The following NEFH variants were observed in gnomAD, a reference collection of about 807,000 sequenced individuals.
NEFH encodes the protein neurofilament heavy chain, also known as neurofilament heavy polypeptide.
In NEFH, 58 loss-of-function variants were observed where a neutral mutation model predicts 56.6. That is an observed-to-expected ratio of 1.03 (90% CI 0.83 to 1.28). NEFH has a LOEUF of 1.28. Among genes scored for constraint, NEFH ranks in the 50% most tolerant of loss-of-function variants. NEFH has a pLI of 0.00. For synonymous variants in NEFH, 542 were observed against 545.8 expected (o/e 0.99, Z 0.10); for missense variants, 1,221 against 1,307.6 (o/e 0.93, Z 1.02).
At chr22:29,486,875 A>G (rs913923260) in intron 3 of NEFH, among the ~76,000 whole-genome samples, 11 of 152,218 alleles carry the variant, frequency 7.2e-5, no homozygotes, top group South Asian at 2.1e-4. Flanking sequence ...AGACGGTGGA[A>G]GTTCCTTATC....
Position 29,490,069 on chromosome 22 carries a change from C to T in NEFH, c.2429C>T (p.Pro810Leu), listed in dbSNP as rs920199926. ...CCCCTGAAGGAGGATGCCAAGGCCC[C>T]TGAGAAGGAGATCCCAAAAAAGGAA... The part of the protein sequence containing the change: ...KSPLKEDAKA[P>L]EKEIPKKEEV... Residue 810 changes from proline to leucine, a missense_variant, in exon 4 of 4, where the codon CCT becomes CTT. By Grantham distance (98) the Pro-to-Leu change is moderately conservative (BLOSUM62 -3). Coordinates refer to ENST00000310624, the MANE Select transcript of NEFH (RefSeq NM_021076.4). 6 of 1,613,432 alleles carry T rather than the reference C, an allele frequency of 3.7e-6. No individual in the cohort carries two copies. Among genetic ancestry groups the T allele is most frequent in the Non-Finnish European group, 5.1e-6 (6 of 1,179,794 alleles).
Position 29,480,989 on chromosome 22 carries a change from G to T in NEFH, c.727G>T (p.Gly243Cys). ...CCAGGAAGAGGTGGGCGAGCTGCTC[G>T]GCCAGATCCAGGGCTCCGGCGCCGC... ...HHQEEVGELLGQIQGSGAAQA... is the reference protein window; with the variant it reads ...HHQEEVGELLCQIQGSGAAQA... Residue 243 changes from glycine to cysteine, a missense_variant, in exon 1 of 4, where the codon GGC becomes TGC. Coordinates refer to ENST00000310624, the MANE Select transcript of NEFH (RefSeq NM_021076.4). The T allele has an allele frequency of 6.5e-7, 1 of 1,532,066 alleles. No homozygotes were observed. The highest frequency in any genetic ancestry group is 2.0e-5 in the Admixed American group (1 of 50,908). The allele number at this position is 1,532,066 out of a possible 1,614,324, so 94.9% of individuals were successfully genotyped here.
Position 29,480,423 on chromosome 22 carries a change from C to T in NEFH, c.161C>T (p.Ser54Phe). The T allele has an allele frequency of 6.5e-7, 1 of 1,532,084 alleles. No homozygotes were observed. Among genetic ancestry groups the T allele is most frequent in the Non-Finnish European group, 8.7e-7 (1 of 1,145,896 alleles). The allele number at this position is 1,532,084 out of a possible 1,614,324, so 94.9% of individuals were successfully genotyped here. Residue 54 changes from serine (S) to phenylalanine (F), a missense_variant, in exon 1 of 4, where the codon TCC (serine) becomes TTC (phenylalanine). This residue lies in a region of NEFH where 640 missense variants were observed against 555.5 expected (regional missense o/e 1.15). Coordinates refer to ENST00000310624, the MANE Select transcript of NEFH (RefSeq NM_021076.4). ...GGCTTCCACTCGTGGACACGGACGT[C>T]CGTGAGCTCCGTGTCCGCCTCGCCC... is the stretch of plus-strand genomic sequence containing the variant. Reference protein sequence around the residue: ...SSGFHSWTRTSVSSVSASPSR... With the variant: ...SSGFHSWTRTFVSSVSASPSR...
chr22:29,482,883 TG>T (rs1490857068), intron 1 of NEFH, among the ~76,000 whole-genome samples: 2 of 152,164 alleles, frequency 1.3e-5, no homozygotes, highest in African/African-American at 4.8e-5. Flanking sequence ...TGGGTGGCCT[TG>T]GGGAGTAGTC....
At position 29,481,129 on chromosome 22, in the gene NEFH, C is replaced by T. The variant is rs1042294777; in HGVS notation, c.867C>T (p.Ser289=). Residue 289 remains serine (S), a synonymous_variant, in exon 1 of 4, where the codon TCC becomes TCT. Transcript: ENST00000310624. Reference sequence around the variant, plus strand: ...ACGCGGTGCAGAGCACGCTGCAGTCCGAGGAGTGGTTCCGAGGTACGCAGG... The same window carrying T: ...ACGCGGTGCAGAGCACGCTGCAGTCTGAGGAGTGGTTCCGAGGTACGCAGG... ...EGHAVQSTLQ[S]EEWFRVRLDR... 2 of 1,529,660 alleles carry T rather than the reference C, an allele frequency of 1.3e-6. No homozygotes were observed. Among genetic ancestry groups the T allele is most frequent in the East Asian group, 2.5e-5 (1 of 40,632 alleles). The allele number at this position is 1,529,660 out of a possible 1,614,324, so 94.8% of individuals were successfully genotyped here.
At position 29,485,755 on chromosome 22, in the gene NEFH, G is replaced by A. The variant is rs867469071; in HGVS notation, c.1116G>A (p.Arg372=). The change falls in exon 3 of 4, where the codon AGG becomes AGA. Residue 372 remains arginine (R), a synonymous_variant. Coordinates refer to ENST00000310624, the MANE Select transcript of NEFH (RefSeq NM_021076.4). ...EAIQQLDAEL[R]NTKWEMAAQL... is the part of the protein sequence containing the mutation. ...TTCAGCAGCTGGACGCTGAGCTGAG[G>A]AACACCAAGTGGGAGATGGCCGCCC... is the stretch of plus-strand genomic sequence containing the variant. 1 of 1,614,214 alleles carries A rather than the reference G, an allele frequency of 6.2e-7. No homozygotes were observed. Among genetic ancestry groups the A allele is most frequent in the Non-Finnish European group, 8.5e-7 (1 of 1,180,044 alleles).
chr22:29,480,727 C>A lies in NEFH; in HGVS notation c.465C>A (p.Gly155=), dbSNP rs780610863. ...LYEREVREMR[G]AVLRLGAARG... is the part of the protein sequence containing the mutation. ...AGCGCGAGGTCCGCGAGATGCGCGG[C>A]GCGGTGCTGCGCCTGGGCGCGGCGC... Residue 155 remains glycine, a synonymous_variant, in exon 1 of 4, where the codon GGC becomes GGA. Coordinates refer to ENST00000310624, the MANE Select transcript of NEFH (RefSeq NM_021076.4). 2.6e-5 allele frequency: 39 copies of A among 1,472,446 alleles called. No individual in the cohort carries two copies. The highest frequency in any genetic ancestry group is 5.1e-5 in the Admixed American group (2 of 39,554). The allele number at this position is 1,472,446 out of a possible 1,614,324, so 91.2% of individuals were successfully genotyped here.
rs575333080 is a variant in NEFH, at chr22:29,489,545, G to A, written c.1905G>A (p.Pro635=). The change falls in exon 4 of 4, where the codon CCG becomes CCA. Residue 635 remains proline, a synonymous_variant. Transcript: ENST00000310624. The part of the protein sequence containing the change: ...EAKSPAEVKS[P]EKAKSPTKEE... The stretch of plus-strand genomic sequence containing the variant: ...AATCTCCAGCTGAGGTCAAGTCCCC[G>A]GAAAAGGCCAAGTCTCCAACGAAGG... 1.5e-5 allele frequency: 24 copies of A among 1,552,088 alleles called. No individual in the cohort carries two copies. In the South Asian group the frequency reaches 2.1e-4, roughly 14 times the overall value.
Position 29,483,572 on chromosome 22 carries a change from C to G in NEFH, c.1081C>G (p.Gln361Glu). Residue 361 changes from glutamine (Q) to glutamate (E), a missense_variant and splice_region_variant, in exon 2 of 4, where the codon CAG (glutamine) becomes GAG (glutamate). Around this residue, in one of 4 missense-constraint regions of NEFH, gnomAD observed 640 missense variants for 555.5 expected, o/e 1.15. Coordinates refer to ENST00000310624, the MANE Select transcript of NEFH (RefSeq NM_021076.4). Reference sequence around the variant, plus strand: ...TCATCAGGCCGACATTGCCTCCTACCAGGTGGGCAGGGGCAAGGCAGACAG... The same window carrying G: ...TCATCAGGCCGACATTGCCTCCTACGAGGTGGGCAGGGGCAAGGCAGACAG... Reference protein sequence around the residue: ...DRHQADIASYQEAIQQLDAEL... With the variant: ...DRHQADIASYEEAIQQLDAEL... 6.2e-7 allele frequency: 1 copy of G among 1,613,506 alleles called. No homozygotes were observed. Among genetic ancestry groups the G allele is most frequent in the Non-Finnish European group, 8.5e-7 (1 of 1,179,974 alleles).
In NEFH at chr22:29,489,853, C is replaced by T. The variant is rs1321011893; in HGVS notation, c.2213C>T (p.Ser738Phe). 4.4e-6 allele frequency: 7 copies of T among 1,584,738 alleles called. No homozygotes were observed. The East Asian group carries it at 7.0e-5, about 16-fold the overall frequency. The change falls in exon 4 of 4, where the codon TCC (serine) becomes TTC (phenylalanine). Residue 738 changes from serine (S) to phenylalanine (F), a missense_variant. This residue lies in a region of NEFH where 301 missense variants were observed against 346.6 expected (regional missense o/e 0.87). Transcript: ENST00000310624. ...GCAAAGACCCCCGAGAAGGCCAAGT[C>T]CCCAGTGAAGGAAGAAGCTAAGTCC... ...EEAKTPEKAK[S>F]PVKEEAKSPE... is the part of the protein sequence containing the mutation.
rs1435086248 is a variant in NEFH, at chr22:29,480,230, G to A, written c.-33G>A. Reference sequence around the variant, plus strand: ...CCCTGGTGCTGCCGCAGTGCCTCCCGCCCCGTCCCGGCCTCGCGCACCTGC... The same window carrying A: ...CCCTGGTGCTGCCGCAGTGCCTCCCACCCCGTCCCGGCCTCGCGCACCTGC... On this transcript the variant is annotated 5_prime_UTR_variant, in exon 1 of 4. Coordinates refer to ENST00000310624, the MANE Select transcript of NEFH (RefSeq NM_021076.4). The A allele has an allele frequency of 6.7e-7, 1 of 1,492,818 alleles. No individual in the cohort carries two copies. The highest frequency in any genetic ancestry group is 8.8e-7 in the Non-Finnish European group (1 of 1,130,512). 92.5% of individuals were successfully genotyped at this position (1,492,818 alleles called of 1,614,324 possible). A position where few individuals can be genotyped will look rare whatever the true frequency, so the allele number is the denominator to read the frequency against.
rs3815335 is a variant in NEFH, at chr22:29,485,479, G to A, written c.1084-244G>A. On this transcript the variant is annotated intron_variant, in intron 2 of 3. Transcript: ENST00000310624. ...GCCAGCCAAACCAGCAGGAACAACTGTTGACATCTGATGAATTTCATTTCA... is the reference window on the plus strand; with the variant it reads ...GCCAGCCAAACCAGCAGGAACAACTATTGACATCTGATGAATTTCATTTCA... Among the ~76,000 whole-genome samples the A allele has an allele frequency of 0.33, 49,929 of 152,096 alleles. 8,402 individuals are homozygous for A. The highest frequency in any genetic ancestry group is 0.41 in the East Asian group (2,133 of 5,170).
chr22:29,489,566 G>A lies in NEFH; in HGVS notation c.1926G>A (p.Thr642=), dbSNP rs776815503. Residue 642 remains threonine, a synonymous_variant, in exon 4 of 4, where the codon ACG becomes ACA. Transcript: ENST00000310624. ...CCCCGGAAAAGGCCAAGTCTCCAACGAAGGAGGAAGCAAAGTCCCCTGAGA... is the reference window on the plus strand; with the variant it reads ...CCCCGGAAAAGGCCAAGTCTCCAACAAAGGAGGAAGCAAAGTCCCCTGAGA... ...VKSPEKAKSP[T]KEEAKSPEKA... is the part of the protein sequence containing the mutation. The A allele has an allele frequency of 1.5e-5, 11 of 727,638 alleles. No individual in the cohort carries two copies. The highest frequency in any genetic ancestry group is 7.9e-5 in the South Asian group (4 of 50,714). 45.1% of individuals were successfully genotyped at this position (727,638 alleles called of 1,614,324 possible).
At position 29,486,196 on chromosome 22, in the gene NEFH, T is replaced by TA. The variant is rs563373356; in HGVS notation, c.1208+349_1208+350insA. On this transcript the variant is annotated intron_variant, in intron 3 of 3. Transcript: ENST00000310624. ...ACCACGCCTGGCTAATTTTTATTTT[T>TA]TTTTTTTTAGTAGAAACAGGGTTTC... 3.8e-3 allele frequency among the ~76,000 whole-genome samples: 572 copies of TA among 151,622 alleles called. 3 individuals are homozygous for TA. The highest frequency in any genetic ancestry group is 0.011 in the African/African-American group (458 of 41,184).
rs2063022663 is a variant in NEFH at position 29,483,288 on chromosome 22, A to G, written c.884-87A>G. On this transcript the variant is annotated intron_variant, in intron 1 of 3. Transcript: ENST00000310624. ...CGAGAATCCGTCTCAAAAAAAAAAA[A>G]AAAGAAAAAGAACAAAGAAAAAAAT... The G allele has an allele frequency of 3.0e-6, 4 of 1,312,548 alleles. No individual in the cohort carries two copies. In the South Asian group the frequency reaches 3.8e-5, roughly 13 times the overall value. The allele number at this position is 1,312,548 out of a possible 1,614,324, so 81.3% of individuals were successfully genotyped here.
chr22:29,480,605 G>C lies in NEFH; in HGVS notation c.343G>C (p.Val115Leu), dbSNP rs1300380912. ...NDRFAGYIDK[V>L]RQLEAHNRSL... Reference sequence around the variant, plus strand: ...CCGCTTCGCCGGGTACATCGACAAGGTGCGGCAGCTGGAGGCGCACAACCG... The same window carrying C: ...CCGCTTCGCCGGGTACATCGACAAGCTGCGGCAGCTGGAGGCGCACAACCG... The change falls in exon 1 of 4, where the codon GTG (valine) becomes CTG (leucine). Residue 115 changes from valine (V) to leucine (L), a missense_variant. Coordinates refer to ENST00000310624, the MANE Select transcript of NEFH (RefSeq NM_021076.4). The C allele has an allele frequency of 1.3e-6, 2 of 1,563,904 alleles. No individual in the cohort carries two copies. The highest frequency in any genetic ancestry group is 3.7e-5 in the Admixed American group (2 of 54,136).
intron 2 of NEFH, among the ~76,000 whole-genome samples, chr22:29,485,451 C>T (rs1340579238): frequency 6.6e-6 from 1 of 152,228 alleles, no homozygotes; most frequent in Non-Finnish European, 1.5e-5. Context: ...ATCCCATTAT[C>T]CTGCCAGCCA....
At position 29,489,961 on chromosome 22, in the gene NEFH, C is replaced by G; in HGVS notation, c.2321C>G (p.Ala774Gly). The G allele has an allele frequency of 6.2e-7, 1 of 1,613,484 alleles. No homozygotes were observed. The highest frequency in any genetic ancestry group is 8.5e-7 in the Non-Finnish European group (1 of 1,179,858). Residue 774 changes from alanine to glycine, a missense_variant, in exon 4 of 4, where the codon GCA becomes GGA. Transcript: ENST00000310624. ...PEAKTPAKEE[A>G]RSPADKFPEK... ...GCCAAGACTCCAGCGAAGGAGGAAG[C>G]AAGGTCCCCTGCAGACAAATTCCCT...
chr22:29,490,046 C>A lies in NEFH; in HGVS notation c.2406C>A (p.Pro802=), dbSNP rs2063071220. Residue 802 remains proline (P), a synonymous_variant, in exon 4 of 4, where the codon CCC becomes CCA. Coordinates refer to ENST00000310624, the MANE Select transcript of NEFH (RefSeq NM_021076.4). ...EVKSPEKAKS[P]LKEDAKAPEK... ...AGTCCCCAGAGAAGGCGAAATCTCCCCTGAAGGAGGATGCCAAGGCCCCTG... is the reference window on the plus strand; with the variant it reads ...AGTCCCCAGAGAAGGCGAAATCTCCACTGAAGGAGGATGCCAAGGCCCCTG... 6.2e-7 allele frequency: 1 copy of A among 1,612,176 alleles called. No homozygotes were observed. Among genetic ancestry groups the A allele is most frequent in the Non-Finnish European group, 8.5e-7 (1 of 1,179,438 alleles).
Sources: gnomAD v4.1 joint callset for allele counts (sites outside exome capture counted in the v4.1 genomes callset) on GRCh38, gnomAD v4.1.1 for gene constraint, gnomAD v4.1.1 regional missense constraint, MANE v1.5 for transcripts, NCBI Gene and HGNC (gene_info 2026-07-23, HGNC 2026-07-21) for gene names.